The following ZEB2 variants were observed in gnomAD, a reference collection of about 807,000 sequenced individuals.
ZEB2 encodes zinc finger E-box-binding homeobox 2.
A neutral mutation model predicts 99.9 loss-of-function variants in ZEB2; 6 were observed. That is an observed-to-expected ratio of 0.06 (90% CI 0.03 to 0.12). The LOEUF (loss-of-function observed/expected upper bound fraction) is 0.12. Ranked by LOEUF, ZEB2 falls within the 10% of genes least tolerant of loss-of-function variation. The probability of loss-of-function intolerance (pLI) is 1.00; values close to 1 mark genes in which losing one functional copy is unlikely to be tolerated. For synonymous variants in ZEB2, 517 were observed against 542.5 expected (o/e 0.95, Z 0.65); for missense variants, 969 against 1,502.8 (o/e 0.64, Z 5.87).
intron 2 of ZEB2, among the ~76,000 whole-genome samples, chr2:144,437,439 GAA>G (rs1703853368): frequency 6.6e-6 from 1 of 152,104 alleles, no homozygotes; most frequent in Non-Finnish European, 1.5e-5. Context: ...AAAGATTTTA[GAA>G]GACTCTCTCT....
intron 2 of ZEB2, among the ~76,000 whole-genome samples, chr2:144,466,202 AG>A (rs1704270442): frequency 6.6e-6 from 1 of 152,210 alleles, no homozygotes; most frequent in Non-Finnish European, 1.5e-5. Context: ...AGGGGGGAAA[AG>A]TCTGTTAACT....
At chr2:144,475,677 G>A (rs1704420480) in intron 2 of ZEB2, among the ~76,000 whole-genome samples, 1 of 151,996 alleles carries the variant, frequency 6.6e-6, no homozygotes, top group South Asian at 2.1e-4. Context: ...AATTTGCTCT[G>A]CCAGTAGACT....
chr2:144,419,585 T>C (rs1210933688), intron 4 of ZEB2, among the ~76,000 whole-genome samples: 1 of 152,226 alleles, frequency 6.6e-6, no homozygotes, highest in African/African-American at 2.4e-5. Flanking sequence ...TACTAGCACG[T>C]AGGCAAACTC....
At chr2:144,517,016 T>C (rs1164977418) in intron 2 of ZEB2, among the ~76,000 whole-genome samples, 1 of 148,506 alleles carries the variant, frequency 6.7e-6, no homozygotes, top group African/African-American at 2.5e-5. Flanking sequence ...GCAGCGGGGC[T>C]GGGGGCGCGG....
chr2:144,410,649 C>G (rs1300316893), intron 4 of ZEB2, among the ~76,000 whole-genome samples: 1 of 151,976 alleles, frequency 6.6e-6, no homozygotes, highest in African/African-American at 2.4e-5. Context: ...TTTTCTGTTT[C>G]CCTTTGGCAT....
chr2:144,512,688 C>T (rs535468575), intron 2 of ZEB2: 4 of 1,287,230 alleles, frequency 3.1e-6, no homozygotes, highest in African/African-American at 1.5e-5. Flanking sequence ...CACCAGCAGC[C>T]TACTGGCTCT....
chr2:144,401,108 C>T, intron 7 of ZEB2, 91 bp downstream of exon 7: 2 of 1,200,476 alleles, frequency 1.7e-6, no homozygotes, highest in Non-Finnish European at 2.5e-6. Flanking sequence ...CAAAAAGCTA[C>T]AAATAGGACT....
Position 144,445,265 on chromosome 2 carries a change from CTTTTTTTTTTT to C in ZEB2, c.74-15250_74-15240del, listed in dbSNP as rs11287771. Reference sequence around the variant, plus strand: ...CTGCTTCTATCATTTCTTTCCTCCTCTTTTTTTTTTTTTTTTTTTTTTGATCAGAGGCATGA... The same window carrying C: ...CTGCTTCTATCATTTCTTTCCTCCTCTTTTTTTTTTTGATCAGAGGCATGA... On this transcript the variant is annotated intron_variant, in intron 2 of 9. Transcript: ENST00000627532. 6.7e-5 allele frequency among the ~76,000 whole-genome samples: 5 copies of C among 74,202 alleles called. No individual in the cohort carries two copies. The South Asian group carries it at 2.6e-3, about 39-fold the overall frequency. 48.7% of individuals were successfully genotyped at this position (74,202 alleles called of 152,430 possible).
rs1703321679 is a variant in ZEB2 at position 144,402,214 on chromosome 2, T to C, written c.808-907A>G. ...GTGACTTAGAATTCTGGAAAAAAAA[T>C]GCAGTCATCCACTCTGGATGCTCAA... On this transcript the variant is annotated intron_variant, in intron 6 of 9. Coordinates refer to ENST00000627532, the MANE Select transcript of ZEB2 (RefSeq NM_014795.4). Among the ~76,000 whole-genome samples the C allele has an allele frequency of 2.6e-5, 4 of 152,122 alleles. No individual in the cohort carries two copies. The South Asian group carries it at 6.2e-4, about 24-fold the overall frequency.
In ZEB2 at chr2:144,384,316, C is replaced by T. The variant is rs1703052337; in HGVS notation, c.*5135G>A. The T allele has an allele frequency of 6.6e-6, 1 of 151,748 alleles. No individual in the cohort carries two copies. Among genetic ancestry groups the T allele is most frequent in the South Asian group, 2.1e-4 (1 of 4,806 alleles). 9.4% of individuals were successfully genotyped at this position (151,748 alleles called of 1,614,324 possible). A position where few individuals can be genotyped will look rare whatever the true frequency, so the allele number is the denominator to read the frequency against. ...TATTCAGCATCATATTATCTCGGTG[C>T]CATTTCTCTGACTAATTCCACATTT... On this transcript the variant is annotated 3_prime_UTR_variant, in exon 10 of 10. Coordinates refer to ENST00000627532, the MANE Select transcript of ZEB2 (RefSeq NM_014795.4).
intron 4 of ZEB2, among the ~76,000 whole-genome samples, chr2:144,411,855 A>G (rs1474246721): frequency 6.6e-6 from 1 of 152,214 alleles, no homozygotes; most frequent in East Asian, 1.9e-4. Context: ...ATATCTCCCT[A>G]AACAGCAGGA....
rs1474655497 is a variant in ZEB2 at position 144,386,933 on chromosome 2, CA to C, written c.*2517del. 2 of 148,902 alleles carry C rather than the reference CA, an allele frequency of 1.3e-5. No individual in the cohort carries two copies. The highest frequency in any genetic ancestry group is 5.0e-5 in the African/African-American group (2 of 40,118). 9.2% of individuals were successfully genotyped at this position (148,902 alleles called of 1,614,324 possible). ...ATGCCACTCCTCCCCCTGCCCCCCC[CA>C]CCCCCTCTGCCAGAAAGTTTGAAGA... On this transcript the variant is annotated 3_prime_UTR_variant, in exon 10 of 10. Transcript: ENST00000627532.
intron 2 of ZEB2, among the ~76,000 whole-genome samples, chr2:144,439,070 C>T (rs1028735727): frequency 6.6e-6 from 1 of 150,538 alleles, no homozygotes; most frequent in African/African-American, 2.5e-5. Flanking sequence ...TGACTACAGC[C>T]AGGCTCTAAT....
At chr2:144,428,177 G>A (rs1330232359) in intron 3 of ZEB2, 1 of 152,076 alleles carries the variant, frequency 6.6e-6, no homozygotes, top group African/African-American at 2.4e-5. Flanking sequence ...TAAAGCATCA[G>A]AACATTCATT....
chr2:144,436,610 C>T (rs1398675163), intron 2 of ZEB2, among the ~76,000 whole-genome samples: 2 of 152,134 alleles, frequency 1.3e-5, no homozygotes, highest in Non-Finnish European at 2.9e-5. Flanking sequence ...TAGCAGGTTC[C>T]CTGGTACCTG....
chr2:144,450,769 G>T (rs12105521), intron 2 of ZEB2, among the ~76,000 whole-genome samples: 468 of 152,154 alleles, frequency 3.1e-3, no homozygotes, highest in Non-Finnish European at 5.0e-3. Context: ...TCCGCCTCCC[G>T]GGTTCAAGCA....
Position 144,398,371 on chromosome 2 carries a change from T to C in ZEB2, c.2816A>G (p.Tyr939Cys). ...MSFLPHMAYT[Y>C]PTGAATFADM... ...AGCAAAAGTAGCTGCTCCAGTTGGG[T>C]AGGTGTAGGCCATATGTGGTAGGAA... Residue 939 changes from tyrosine to cysteine, a missense_variant, in exon 8 of 10, where the codon TAC (tyrosine) becomes TGC (cysteine). Around this residue, in one of 8 missense-constraint regions of ZEB2, gnomAD observed 346 missense variants for 460.0 expected, o/e 0.75. Transcript: ENST00000627532. 2 of 1,614,030 alleles carry C rather than the reference T, an allele frequency of 1.2e-6. No individual in the cohort carries two copies. Among genetic ancestry groups the C allele is most frequent in the African/African-American group, 1.3e-5 (1 of 75,018 alleles).
intron 8 of ZEB2, chr2:144,397,929 T>G: frequency 2.9e-6 from 1 of 347,564 alleles, no homozygotes; most frequent in South Asian, 2.4e-5. Context: ...GCATGAGCCA[T>G]CACACCTGTC....
chr2:144,440,509 ATATATATTTTTTTTTTTTTTTTTT>A (rs1370397369), intron 2 of ZEB2, among the ~76,000 whole-genome samples: 1 of 28,948 alleles, frequency 3.5e-5, no homozygotes, highest in African/African-American at 1.1e-4. Flanking sequence ...ATATATATAT[ATATATATTTTTTTTTTTTTTTTTT>A]TTTTTTTTTA....
Sources: allele counts gnomAD v4.1 joint callset (sites outside exome capture counted in the v4.1 genomes callset), GRCh38; gene constraint gnomAD v4.1.1; regional missense constraint gnomAD v4.1.1; transcripts MANE v1.5; gene names NCBI Gene and HGNC (gene_info 2026-07-23, HGNC 2026-07-21).